MAP2: variants seen among roughly 807,000 people sequenced by gnomAD.
MAP2 encodes microtubule associated protein 2, also known as microtubule-associated protein 2.
Under a neutral mutation model 137.6 loss-of-function variants are expected in MAP2, and 14 were observed. That is an observed-to-expected ratio of 0.10 (90% confidence interval 0.07 to 0.16). The LOEUF is 0.16. Ranked by LOEUF, MAP2 falls within the 10% of genes least tolerant of loss-of-function variation. The pLI, the probability that MAP2 is intolerant of heterozygous loss-of-function variation, is 1.00. For synonymous variants in MAP2, 786 were observed against 782.3 expected (o/e 1.00, Z -0.08); for missense variants, 2,088 against 2,191.5 (o/e 0.95, Z 0.94).
chr2:209,612,744 T>A (rs1006023501), intron 3 of MAP2, among the ~76,000 whole-genome samples: 5 of 152,206 alleles, frequency 3.3e-5, no homozygotes, highest in African/African-American at 1.2e-4. Flanking sequence ...GGGAAATGAA[T>A]GGCAAATGTC....
chr2:209,528,774 G>A (rs762135962), intron 2 of MAP2, among the ~76,000 whole-genome samples: 10 of 146,670 alleles, frequency 6.8e-5, no homozygotes, highest in Non-Finnish European at 1.3e-4. Context: ...ATATGTATAT[G>A]TACATATGTA....
chr2:209,604,052 G>A (rs1179400620), intron 3 of MAP2, among the ~76,000 whole-genome samples: 2 of 152,126 alleles, frequency 1.3e-5, no homozygotes, highest in African/African-American at 2.4e-5. Context: ...CATCCTGTGT[G>A]TATTCACTAG....
In MAP2 at chr2:209,678,650, C is replaced by T. The variant is rs1026538860; in HGVS notation, c.341C>T (p.Ala114Val). ...CTGAAAGGTGAACAAGAGAAAGAAG[C>T]TCAACATAAAGACCAGACTGCAGCT... ...AVLKGEQEKE[A>V]QHKDQTAALP... The change falls in exon 6 of 16, where the codon GCT becomes GTT. Residue 114 changes from alanine to valine, a missense_variant. This residue lies in a region of MAP2 where 859 missense variants were observed against 794.5 expected (regional missense o/e 1.08). Transcript: ENST00000682079. 1.2e-6 allele frequency: 2 copies of T among 1,604,822 alleles called. No homozygotes were observed. The highest frequency in any genetic ancestry group is 2.7e-5 in the African/African-American group (2 of 74,462).
chr2:209,596,408 A>G (rs1047889309), intron 3 of MAP2, among the ~76,000 whole-genome samples: 1 of 152,222 alleles, frequency 6.6e-6, no homozygotes, highest in Non-Finnish European at 1.5e-5. Flanking sequence ...ACTGCTATTC[A>G]TTCTTATTTT....
At chr2:209,651,127 C>A (rs2094764642) in intron 4 of MAP2, among the ~76,000 whole-genome samples, 2 of 152,110 alleles carry the variant, frequency 1.3e-5, no homozygotes, top group Non-Finnish European at 2.9e-5. Context: ...AATGCTTAGG[C>A]TACCCAATTA....
rs1218764403 is a variant in MAP2, at chr2:209,725,694, A to G, written c.5074-15A>G. On this transcript the variant is annotated splice_polypyrimidine_tract_variant and intron_variant, in intron 13 of 15. Transcript: ENST00000682079. The stretch of plus-strand genomic sequence containing the variant: ...GTTTGAACTATTTTAAGCATGTTTT[A>G]TGTGGTTCACATAGGTACAAATTGT... 15 of 1,549,904 alleles carry G rather than the reference A, an allele frequency of 9.7e-6. No homozygotes were observed. The highest frequency in any genetic ancestry group is 1.2e-5 in the Non-Finnish European group (14 of 1,142,574).
chr2:209,469,424 T>G (rs1705073896), intron 1 of MAP2, among the ~76,000 whole-genome samples: 1 of 152,240 alleles, frequency 6.6e-6, no homozygotes. Context: ...TGATGTAATT[T>G]TTTTTTATAT....
chr2:209,563,161 A>C (rs1044205803), intron 2 of MAP2, among the ~76,000 whole-genome samples: 56 of 152,142 alleles, frequency 3.7e-4, no homozygotes, highest in Non-Finnish European at 7.4e-5. Flanking sequence ...AGAGTAGTAG[A>C]ATGGAGTTTT....
chr2:209,657,424 G>A (rs1009367064), intron 5 of MAP2, among the ~76,000 whole-genome samples: 14 of 152,048 alleles, frequency 9.2e-5, no homozygotes, highest in African/African-American at 3.1e-4. Flanking sequence ...TTTCTCTATA[G>A]CATTGTTAAC....
At chr2:209,593,024 T>G (rs1466037026) in intron 3 of MAP2, among the ~76,000 whole-genome samples, 1 of 152,112 alleles carries the variant, frequency 6.6e-6, no homozygotes, top group Admixed American at 6.6e-5. Flanking sequence ...GTCCTGCTAA[T>G]TCTATTTTTA....
At chr2:209,544,558 A>G (rs189389804) in intron 2 of MAP2, among the ~76,000 whole-genome samples, 9 of 152,334 alleles carry the variant, frequency 5.9e-5, no homozygotes, top group Non-Finnish European at 7.3e-5. Flanking sequence ...AGGCCAGCGT[A>G]GAAGGATGTA....
chr2:209,517,225 A>G (rs2062640816), intron 2 of MAP2, among the ~76,000 whole-genome samples: 1 of 152,028 alleles, frequency 6.6e-6, no homozygotes, highest in African/African-American at 2.4e-5. Context: ...TTATATTTAG[A>G]TAGTTTTTGA....
At chr2:209,545,708 A>G (rs975470901) in intron 2 of MAP2, among the ~76,000 whole-genome samples, 1 of 152,220 alleles carries the variant, frequency 6.6e-6, no homozygotes, top group Admixed American at 6.5e-5. Flanking sequence ...ACTTATTTTT[A>G]AAAAAGAAGT....
intron 4 of MAP2, among the ~76,000 whole-genome samples, chr2:209,647,801 G>A (rs571324564): frequency 3.3e-5 from 5 of 152,134 alleles, no homozygotes; most frequent in African/African-American, 9.6e-5. Flanking sequence ...TTTATCAAGG[G>A]AAAAAGCTGG....
chr2:209,671,154 GA>G (rs1272091835), intron 5 of MAP2, among the ~76,000 whole-genome samples: 1 of 151,872 alleles, frequency 6.6e-6, no homozygotes, highest in Non-Finnish European at 1.5e-5. Context: ...AGCTGGTGGG[GA>G]AAGATCTGTA....
At chr2:209,661,309 T>C (rs2043506584) in intron 5 of MAP2, among the ~76,000 whole-genome samples, 1 of 152,216 alleles carries the variant, frequency 6.6e-6, no homozygotes, top group East Asian at 1.9e-4. Context: ...AAAATAGCAC[T>C]GAGCCATTTC....
At chr2:209,581,444 T>C (rs2076388620) in intron 3 of MAP2, among the ~76,000 whole-genome samples, 1 of 152,144 alleles carries the variant, frequency 6.6e-6, no homozygotes, top group Admixed American at 6.5e-5. Context: ...TAAAATTATA[T>C]TGCACTTCTT....
intron 6 of MAP2, among the ~76,000 whole-genome samples, chr2:209,680,213 A>G (rs1214771379): frequency 2.0e-5 from 3 of 152,198 alleles, no homozygotes; most frequent in Non-Finnish European, 4.4e-5. Flanking sequence ...CTGAGAATAC[A>G]TACAGAAGAT....
rs575238448 is a variant in MAP2 at position 209,728,468 on chromosome 2, A to T, written c.5156-1382A>T. ...CTCTAAGCATGAGTTAAATAACATC[A>T]TACAGTTTCTAAGCCTTAAAAGAAG... On this transcript the variant is annotated intron_variant, in intron 14 of 15. Coordinates refer to ENST00000682079, the MANE Select transcript of MAP2 (RefSeq NM_001375505.1). 2.0e-5 allele frequency among the ~76,000 whole-genome samples: 3 copies of T among 152,344 alleles called. No homozygotes were observed. In the South Asian group the frequency reaches 6.2e-4, roughly 32 times the overall value.
Sources: allele counts gnomAD v4.1 joint callset (sites outside exome capture counted in the v4.1 genomes callset), GRCh38; gene constraint gnomAD v4.1.1; regional missense constraint gnomAD v4.1.1; transcripts MANE v1.5; gene names NCBI Gene and HGNC (gene_info 2026-07-23, HGNC 2026-07-21).